Variants in CADPS observed in about 807,000 individuals in gnomAD.
The protein encoded by CADPS is calcium dependent secretion activator, also known as calcium-dependent secretion activator 1.
Under a neutral mutation model 167.3 loss-of-function variants are expected in CADPS, and 57 were observed. That is an observed-to-expected ratio of 0.34 (90% confidence interval 0.28 to 0.42). The LOEUF is 0.42. Ranked by LOEUF, CADPS falls within the 20% of genes least tolerant of loss-of-function variation. The pLI is 1.00. For synonymous variants in CADPS, 676 were observed against 635.3 expected, an observed-to-expected ratio of 1.06 and a Z score of -0.96; for missense variants, 1,414 against 1,738.1, an observed-to-expected ratio of 0.81 and a Z score of 3.32.
At chr3:62,628,799 G>A (rs746022407) in intron 6 of CADPS, among the ~76,000 whole-genome samples, 22 of 151,906 alleles carry the variant, frequency 1.4e-4, no homozygotes, top group East Asian at 5.8e-4. Flanking sequence ...GCCAATTTTC[G>A]TATTTTTAGT....
At chr3:62,574,857 T>C (rs2081979551) in intron 8 of CADPS, among the ~76,000 whole-genome samples, 3 of 152,202 alleles carry the variant, frequency 2.0e-5, no homozygotes, top group African/African-American at 7.2e-5. Context: ...GTACAATAAA[T>C]GTCAGCTTTA....
At chr3:62,837,738 T>C (rs866741553) in intron 1 of CADPS, among the ~76,000 whole-genome samples, 7 of 152,232 alleles carry the variant, frequency 4.6e-5, no homozygotes, top group Non-Finnish European at 8.8e-5. Context: ...TGTAAGTCAA[T>C]ACAGATTTAA....
At position 62,754,786 on chromosome 3, in the gene CADPS, G is replaced by A. The variant is rs1289985902; in HGVS notation, c.556-1013C>T. Reference sequence around the variant, plus strand: ...GTGCCTGGCCCATGTTACACTTGTTGCTGTTATTATTATTATATGTAAAGT... The same window carrying A: ...GTGCCTGGCCCATGTTACACTTGTTACTGTTATTATTATTATATGTAAAGT... On this transcript the variant is annotated intron_variant, in intron 2 of 29. Coordinates refer to ENST00000383710, the MANE Select transcript of CADPS (RefSeq NM_003716.4). 2.6e-5 allele frequency among the ~76,000 whole-genome samples: 4 copies of A among 152,152 alleles called. No homozygotes were observed. In the South Asian group the frequency reaches 8.3e-4, roughly 31 times the overall value.
intron 1 of CADPS, among the ~76,000 whole-genome samples, chr3:62,835,152 A>G (rs2075713383): frequency 6.6e-6 from 1 of 152,210 alleles, no homozygotes. Flanking sequence ...GAATTGGAAA[A>G]ATGTAAATTA....
At chr3:62,481,683 C>G (rs1420214405) in intron 22 of CADPS, 40 bp downstream of exon 22, 12 of 1,529,500 alleles carry the variant, frequency 7.8e-6, no homozygotes, top group Non-Finnish European at 8.8e-6. Flanking sequence ...GCCAAGATCA[C>G]TTAAATTTAA....
intron 26 of CADPS, among the ~76,000 whole-genome samples, chr3:62,452,057 T>A (rs568020627): frequency 3.1e-4 from 47 of 152,184 alleles, no homozygotes; most frequent in Non-Finnish European, 5.7e-4. Context: ...ATTGAATGAA[T>A]GAACTTTAGA....
At chr3:62,477,596 C>G (rs36021837) in intron 23 of CADPS, among the ~76,000 whole-genome samples, 3,414 of 152,248 alleles carry the variant, frequency 0.022, 58 homozygotes, top group Non-Finnish European at 0.035. Flanking sequence ...CCCTCACCTT[C>G]TCAGAACAGT....
chr3:62,832,000 T>C (rs187547120), intron 1 of CADPS, among the ~76,000 whole-genome samples: 456 of 152,350 alleles, frequency 3.0e-3, no homozygotes, highest in Non-Finnish European at 4.7e-3. Flanking sequence ...GTCAAGATGC[T>C]AAGCAGACAA....
chr3:62,505,873 G>T (rs1270942883), intron 17 of CADPS, among the ~76,000 whole-genome samples: 1 of 152,066 alleles, frequency 6.6e-6, no homozygotes, highest in Non-Finnish European at 1.5e-5. Context: ...ATCAAATATT[G>T]GTAGAAGGGA....
At chr3:62,707,010 T>C (rs188033707) in intron 3 of CADPS, among the ~76,000 whole-genome samples, 1 of 152,208 alleles carries the variant, frequency 6.6e-6, no homozygotes, top group Admixed American at 6.5e-5. Flanking sequence ...AAGGATTCTA[T>C]CTCCAAGTAA....
intron 1 of CADPS, among the ~76,000 whole-genome samples, chr3:62,771,579 G>A (rs1414070419): frequency 6.6e-6 from 1 of 152,174 alleles, no homozygotes; most frequent in Non-Finnish European, 1.5e-5. Context: ...GGGCTTTGAT[G>A]AGCCGCTTAG....
intron 7 of CADPS, among the ~76,000 whole-genome samples, chr3:62,587,106 C>G (rs955563994): frequency 4.5e-4 from 68 of 152,266 alleles, no homozygotes; most frequent in African/African-American, 1.5e-3. Context: ...GAGTGTTTGC[C>G]AGTAGGTCAG....
In CADPS at chr3:62,446,106, C is replaced by T. The variant is rs188649457; in HGVS notation, c.3637-309G>A. ...CTAGCTAAACCCACATGGATTAGTC[C>T]GGGGCTTACCAGTCTAGAGAAGCAA... On this transcript the variant is annotated intron_variant, in intron 26 of 29. Coordinates refer to ENST00000383710, the MANE Select transcript of CADPS (RefSeq NM_003716.4). The surrounding 1 kb of genome is among the most constrained non-coding windows in gnomAD (Gnocchi z 4.9). Among the ~76,000 whole-genome samples the T allele has an allele frequency of 1.9e-3, 293 of 152,240 alleles. 2 individuals carry two copies. The highest frequency in any genetic ancestry group is 6.7e-3 in the African/African-American group (277 of 41,556).
intron 1 of CADPS, among the ~76,000 whole-genome samples, chr3:62,782,908 C>T (rs373599429): frequency 5.9e-5 from 9 of 151,828 alleles, no homozygotes; most frequent in African/African-American, 1.7e-4. Context: ...TACAGGTGCC[C>T]GCCACCATGC....
intron 28 of CADPS, among the ~76,000 whole-genome samples, chr3:62,425,330 C>T (rs988986023): frequency 6.6e-6 from 1 of 152,128 alleles, no homozygotes; most frequent in African/African-American, 2.4e-5. Flanking sequence ...GTAGCACCCT[C>T]CCGCCACCAA....
At chr3:62,466,837 T>C (rs775426729) in intron 24 of CADPS, among the ~76,000 whole-genome samples, 15 of 152,150 alleles carry the variant, frequency 9.9e-5, no homozygotes, top group Non-Finnish European at 1.9e-4. Flanking sequence ...CAAAGGGAAT[T>C]TGATGAAGAC....
At chr3:62,851,706 C>G (rs1193818806) in intron 1 of CADPS, among the ~76,000 whole-genome samples, 2 of 147,088 alleles carry the variant, frequency 1.4e-5, no homozygotes, top group African/African-American at 5.0e-5. Context: ...CTGCCCTTAA[C>G]ATTTTTTCCT....
At chr3:62,802,435 A>G (rs1346320619) in intron 1 of CADPS, among the ~76,000 whole-genome samples, 2 of 152,160 alleles carry the variant, frequency 1.3e-5, no homozygotes, top group South Asian at 4.1e-4. Context: ...AACAGCCTTC[A>G]TATTCACTGA....
intron 6 of CADPS, 46 bp from the exon 7 acceptor site, chr3:62,592,794 T>G: frequency 3.5e-6 from 5 of 1,425,316 alleles, no homozygotes; most frequent in Non-Finnish European, 4.9e-6. Flanking sequence ...TCTGCCTTGA[T>G]GAGTCTAAAC....
Sources: allele counts gnomAD v4.1 joint callset (sites outside exome capture counted in the v4.1 genomes callset), GRCh38; gene constraint gnomAD v4.1.1; non-coding constraint Gnocchi (gnomAD v3.1); transcripts MANE v1.5; gene names NCBI Gene and HGNC (gene_info 2026-07-23, HGNC 2026-07-21).